The following RSF1 variants were observed in gnomAD, a reference collection of about 807,000 sequenced individuals.
RSF1 encodes remodeling and spacing factor 1.
In RSF1, 13 loss-of-function variants were observed where a neutral mutation model predicts 145.2. The ratio of observed to expected loss-of-function variants is 0.09; its 90% CI spans 0.06 to 0.14. The LOEUF (loss-of-function observed/expected upper bound fraction) is 0.14. Ranked by LOEUF, RSF1 falls within the 10% of genes least tolerant of loss-of-function variation. The probability of loss-of-function intolerance (pLI) is 1.00; values close to 1 mark genes in which losing one functional copy is unlikely to be tolerated. For missense variants in RSF1, 1,517 were observed against 1,718.2 expected (o/e 0.88, Z 2.07); for synonymous variants, 577 against 592.6 (o/e 0.97, Z 0.38).
Position 77,701,364 on chromosome 11 carries a change from G to A in RSF1, c.1865C>T (p.Ser622Phe), listed in dbSNP as rs1370765323. The change falls in exon 6 of 16, where the codon TCT becomes TTT. Residue 622 changes from serine (S) to phenylalanine (F), a missense_variant. This residue lies in a region of RSF1 where 579 missense variants were observed against 553.5 expected (regional missense o/e 1.05). Coordinates refer to ENST00000308488, the MANE Select transcript of RSF1 (RefSeq NM_016578.4). ...KSTLESEKPG[S>F]PEAAETSPPS... ...TGGAGAAGTTTCAGCTGCCTCAGGAGAGCCAGGCTTTTCTGACTCTAGAGT... is the reference window on the plus strand; with the variant it reads ...TGGAGAAGTTTCAGCTGCCTCAGGAAAGCCAGGCTTTTCTGACTCTAGAGT... The A allele has an allele frequency of 4.3e-6, 7 of 1,613,852 alleles. No homozygotes were observed. The African/African-American group carries it at 6.7e-5, about 15-fold the overall frequency.
chr11:77,699,553 C>G (rs968739314), intron 6 of RSF1, among the ~76,000 whole-genome samples: 2 of 152,068 alleles, frequency 1.3e-5, no homozygotes, highest in South Asian at 4.2e-4. Flanking sequence ...TAGCAAAAGA[C>G]TTGTAAAATA....
rs12272901 is a variant in RSF1, at chr11:77,788,313, G to A, written c.188-23624C>T. Among the ~76,000 whole-genome samples the A allele has an allele frequency of 2.7e-5, 4 of 150,068 alleles. No individual in the cohort carries two copies. In the East Asian group the frequency reaches 7.8e-4, roughly 29 times the overall value. Reference sequence around the variant, plus strand: ...GAAATTACTGGTAATAGAATCAGTAGAAAAAGACATGAAAAGTTCTTATAT... The same window carrying A: ...GAAATTACTGGTAATAGAATCAGTAAAAAAAGACATGAAAAGTTCTTATAT... On this transcript the variant is annotated intron_variant, in intron 1 of 15. Coordinates refer to ENST00000308488, the MANE Select transcript of RSF1 (RefSeq NM_016578.4).
At chr11:77,730,458 T>C (rs1252399706) in intron 4 of RSF1, among the ~76,000 whole-genome samples, 2 of 151,892 alleles carry the variant, frequency 1.3e-5, no homozygotes, top group Non-Finnish European at 2.9e-5. Context: ...ATGCATACAT[T>C]GTGTAATCTA....
At chr11:77,871,701 C>T in the RSF1 span, among the ~76,000 whole-genome samples, 6 of 152,192 alleles carry the variant, frequency 3.9e-5, no homozygotes, top group South Asian at 2.1e-4. Context: ...AGCTAGCATG[C>T]GGCAAAGAAG....
At chr11:77,697,535 T>C (rs1374306139) in intron 7 of RSF1, among the ~76,000 whole-genome samples, 1 of 109,122 alleles carries the variant, frequency 9.2e-6, no homozygotes, top group East Asian at 2.5e-4. Flanking sequence ...TAATATATAA[T>C]ATATATATTA....
chr11:77,670,840 C>G (rs1959503718), intron 15 of RSF1, among the ~76,000 whole-genome samples: 1 of 151,736 alleles, frequency 6.6e-6, no homozygotes, highest in Non-Finnish European at 1.5e-5. Context: ...GGCGCGGTGG[C>G]TCACGCCTGT....
chr11:77,854,817 CA>C, the RSF1 span, among the ~76,000 whole-genome samples: 5 of 152,190 alleles, frequency 3.3e-5, no homozygotes, highest in African/African-American at 7.2e-5. Context: ...GTAGGGGCTC[CA>C]ACCCCACATT....
chr11:77,694,591 C>G (rs1253534767), intron 7 of RSF1, among the ~76,000 whole-genome samples: 6 of 152,132 alleles, frequency 3.9e-5, no homozygotes, highest in Admixed American at 3.9e-4. Flanking sequence ...CAAGATGGTA[C>G]AAAGTTCTCT....
At chr11:77,842,569 G>C in the RSF1 span, 14 of 1,614,020 alleles carry the variant, frequency 8.7e-6, no homozygotes, top group Admixed American at 3.3e-5. Context: ...AACCTATAAG[G>C]ACTGCAAAGT....
At chr11:77,750,228 T>C (rs1009582184) in intron 2 of RSF1, among the ~76,000 whole-genome samples, 1 of 152,080 alleles carries the variant, frequency 6.6e-6, no homozygotes, top group Non-Finnish European at 1.5e-5. Flanking sequence ...ATAATTCTTA[T>C]GCAAAACTAT....
At chr11:77,751,732 C>T (rs893848046) in intron 2 of RSF1, among the ~76,000 whole-genome samples, 36 of 152,178 alleles carry the variant, frequency 2.4e-4, no homozygotes, top group African/African-American at 8.7e-4. Flanking sequence ...TCCCCCATTC[C>T]TCCCACTCCT....
intron 4 of RSF1, among the ~76,000 whole-genome samples, chr11:77,728,286 A>C (rs1220374196): frequency 1.3e-5 from 2 of 152,236 alleles, no homozygotes; most frequent in Admixed American, 1.3e-4. Context: ...AAAATCTAGT[A>C]TATCTACATA....
At chr11:77,710,294 T>C (rs902315034) in intron 5 of RSF1, among the ~76,000 whole-genome samples, 3 of 152,208 alleles carry the variant, frequency 2.0e-5, no homozygotes, top group African/African-American at 7.2e-5. Context: ...TTTTTTTTTG[T>C]AGTGAAAACA....
At chr11:77,823,916 TA>T (rs557186061), upstream of RSF1, among the ~76,000 whole-genome samples, 580 of 133,240 alleles carry the variant, frequency 4.4e-3, no homozygotes, top group Non-Finnish European at 4.0e-3. Context: ...AATAACATTC[TA>T]AAAAAAAAAA....
In RSF1 at chr11:77,790,908, T is replaced by C. The variant is rs369668942; in HGVS notation, c.188-26219A>G. Among the ~76,000 whole-genome samples the C allele has an allele frequency of 2.6e-5, 4 of 152,190 alleles. No homozygotes were observed. In the East Asian group the frequency reaches 7.7e-4, roughly 29 times the overall value. On this transcript the variant is annotated intron_variant, in intron 1 of 15. Coordinates refer to ENST00000308488, the MANE Select transcript of RSF1 (RefSeq NM_016578.4). Reference sequence around the variant, plus strand: ...CCTCCTGGCTGCTTTCATGGGCTAGTGTTGACTGTCTGCGGCTTTTCCAGG... The same window carrying C: ...CCTCCTGGCTGCTTTCATGGGCTAGCGTTGACTGTCTGCGGCTTTTCCAGG...
chr11:77,676,583 A>T (rs900089399), intron 13 of RSF1, among the ~76,000 whole-genome samples: 4 of 152,246 alleles, frequency 2.6e-5, no homozygotes, highest in African/African-American at 7.2e-5. Context: ...TGAATGTTAA[A>T]CAACCATAAA....
chr11:77,702,036 G>A lies in RSF1; in HGVS notation c.1193C>T (p.Pro398Leu), dbSNP rs1960438758. The change falls in exon 6 of 16, where the codon CCA becomes CTA. Residue 398 changes from proline to leucine, a missense_variant. Around this residue, in one of 12 missense-constraint regions of RSF1, gnomAD observed 579 missense variants for 553.5 expected, o/e 1.05. Coordinates refer to ENST00000308488, the MANE Select transcript of RSF1 (RefSeq NM_016578.4). Reference protein sequence around the residue: ...EIKLSDDFDSPVKGPLCKSVT... With the variant: ...EIKLSDDFDSLVKGPLCKSVT... ...TGATTTACACAAAGGTCCCTTGACT[G>A]GACTGTCAAAATCATCACTCAGTTT... The A allele has an allele frequency of 8.1e-6, 13 of 1,613,626 alleles. No homozygotes were observed. The highest frequency in any genetic ancestry group is 8.5e-6 in the Non-Finnish European group (10 of 1,179,836).
chr11:77,761,824 G>A (rs569635383), intron 2 of RSF1, among the ~76,000 whole-genome samples: 54 of 111,728 alleles, frequency 4.8e-4, no homozygotes, highest in Non-Finnish European at 7.7e-4. Flanking sequence ...ATTTCCATTC[G>A]GTGATTTTTT....
intron 1 of RSF1, among the ~76,000 whole-genome samples, chr11:77,800,416 C>G (rs758107483): frequency 6.6e-6 from 1 of 151,850 alleles, no homozygotes; most frequent in Non-Finnish European, 1.5e-5. Context: ...CATTTGAACC[C>G]GGGAGGCAGA....
Sources: gnomAD v4.1 joint callset for allele counts (sites outside exome capture counted in the v4.1 genomes callset) on GRCh38, gnomAD v4.1.1 for gene constraint, gnomAD v4.1.1 regional missense constraint, MANE v1.5 for transcripts, NCBI Gene and HGNC (gene_info 2026-07-23, HGNC 2026-07-21) for gene names.